The following DLGAP2 variants were observed in gnomAD, a reference collection of about 807,000 sequenced individuals.
DLGAP2 encodes DLG associated protein 2, also known as disks large-associated protein 2.
In DLGAP2, 26 loss-of-function variants were observed where a neutral mutation model predicts 100.3. That is an observed-to-expected ratio of 0.26 (90% CI 0.19 to 0.36). The LOEUF (loss-of-function observed/expected upper bound fraction) is 0.36, where lower values mean the gene tolerates loss of function less well. Among genes scored for constraint, DLGAP2 ranks in the 10% least tolerant of loss-of-function variants. DLGAP2 has a pLI of 1.00. For synonymous variants in DLGAP2, 886 were observed against 630.1 expected, an observed-to-expected ratio of 1.41 and a Z score of -6.08; for missense variants, 1,858 against 1,453.2, an observed-to-expected ratio of 1.28 and a Z score of -4.53.
At chr8:1,276,866 T>A (rs1261063616) in intron 3 of DLGAP2, among the ~76,000 whole-genome samples, 1 of 152,198 alleles carries the variant, frequency 6.6e-6, no homozygotes, top group East Asian at 1.9e-4. Flanking sequence ...ATTAATAAAA[T>A]TAAGTTTTCA....
intron 6 of DLGAP2, among the ~76,000 whole-genome samples, chr8:1,610,136 A>T (rs1796947792): frequency 2.6e-5 from 4 of 152,136 alleles, no homozygotes; most frequent in Admixed American, 2.6e-4. Context: ...ACATAGTTGG[A>T]AGTAAAGCTC....
chr8:1,641,199 C>G (rs1163581026), intron 8 of DLGAP2, among the ~76,000 whole-genome samples: 1 of 152,186 alleles, frequency 6.6e-6, no homozygotes, highest in African/African-American at 2.4e-5. Flanking sequence ...AGACGAATCA[C>G]GTGCCTCCCG....
chr8:1,176,878 A>G (rs1352600268), intron 2 of DLGAP2, among the ~76,000 whole-genome samples: 2 of 152,112 alleles, frequency 1.3e-5, no homozygotes, highest in South Asian at 4.2e-4. Flanking sequence ...AGAGCCAAGG[A>G]CTAGATATGT....
At chr8:1,301,987 A>G (rs185033960) in intron 3 of DLGAP2, 1 of 152,254 alleles carries the variant, frequency 6.6e-6, no homozygotes. Context: ...TTGGTAATTA[A>G]GTCAGGTGTC....
At chr8:1,362,086 A>G (rs1801994569) in intron 3 of DLGAP2, among the ~76,000 whole-genome samples, 1 of 124,978 alleles carries the variant, frequency 8.0e-6, no homozygotes, top group South Asian at 3.1e-4. Flanking sequence ...GGAGAGCGGT[A>G]CAGCTGGGAC....
At chr8:1,230,268 C>G (rs78878448) in intron 2 of DLGAP2, among the ~76,000 whole-genome samples, 3,916 of 152,204 alleles carry the variant, frequency 0.026, 70 homozygotes, top group African/African-American at 0.038. Flanking sequence ...TTCTTAATAG[C>G]TACAAAAAGA....
At chr8:1,201,280 T>C (rs1797866744) in intron 2 of DLGAP2, among the ~76,000 whole-genome samples, 1 of 152,042 alleles carries the variant, frequency 6.6e-6, no homozygotes, top group Non-Finnish European at 1.5e-5. Flanking sequence ...AGAGCCGAAG[T>C]CCCCAGCATC....
At chr8:1,258,595 A>AT (rs1799278100) in intron 2 of DLGAP2, among the ~76,000 whole-genome samples, 1 of 143,758 alleles carries the variant, frequency 7.0e-6, no homozygotes, top group Non-Finnish European at 1.5e-5. Context: ...ACTTAGTAAA[A>AT]TTAAAAAAAA....
At chr8:1,432,107 C>G (rs532326066) in intron 3 of DLGAP2, among the ~76,000 whole-genome samples, 32 of 152,312 alleles carry the variant, frequency 2.1e-4, no homozygotes, top group African/African-American at 7.7e-4. Context: ...TGCCATCCAT[C>G]GGGGCTGAAC....
At chr8:1,291,579 T>G (rs1800061022) in intron 3 of DLGAP2, among the ~76,000 whole-genome samples, 1 of 152,190 alleles carries the variant, frequency 6.6e-6, no homozygotes, top group East Asian at 1.9e-4. Flanking sequence ...GGGGTGATTC[T>G]GGGGAAGCCC....
intron 3 of DLGAP2, among the ~76,000 whole-genome samples, chr8:1,380,659 G>A (rs1328455094): frequency 2.0e-5 from 3 of 152,124 alleles, no homozygotes; most frequent in South Asian, 2.1e-4. Context: ...AAAGTTCGCC[G>A]AGGTGTCATG....
At chr8:1,605,769 G>C (rs1796777646) in intron 6 of DLGAP2, among the ~76,000 whole-genome samples, 1 of 152,172 alleles carries the variant, frequency 6.6e-6, no homozygotes, top group African/African-American at 2.4e-5. Context: ...CCCCACTCTG[G>C]AAGTAAACTG....
At chr8:739,054 C>G (rs1018604846) in intron 1 of DLGAP2, 2 of 155,572 alleles carry the variant, frequency 1.3e-5, no homozygotes, top group African/African-American at 4.8e-5. Flanking sequence ...ATTGGAAATT[C>G]GTGACTTGTC....
intron 3 of DLGAP2, among the ~76,000 whole-genome samples, chr8:1,329,380 T>C (rs1048026626): frequency 6.6e-6 from 1 of 152,198 alleles, no homozygotes; most frequent in African/African-American, 2.4e-5. Flanking sequence ...CATTTCAATG[T>C]TTTATTAATT....
intron 2 of DLGAP2, among the ~76,000 whole-genome samples, chr8:1,178,887 C>T (rs1035919298): frequency 5.3e-5 from 8 of 152,142 alleles, no homozygotes; most frequent in Admixed American, 2.6e-4. Context: ...CAGTTAGGAG[C>T]CCCCCTGCCC....
intron 3 of DLGAP2, among the ~76,000 whole-genome samples, chr8:1,391,845 A>G (rs1197608789): frequency 6.6e-6 from 1 of 152,262 alleles, no homozygotes; most frequent in Non-Finnish European, 1.5e-5. Context: ...GTGTTGCTGC[A>G]TCTCCAAGAC....
intron 5 of DLGAP2, among the ~76,000 whole-genome samples, chr8:1,554,055 A>T (rs1389013435): frequency 6.6e-6 from 1 of 152,212 alleles, no homozygotes; most frequent in Admixed American, 6.5e-5. Flanking sequence ...TGGGAGGCCA[A>T]CGCAGGTGGA....
chr8:1,319,746 T>C (rs927731700), intron 3 of DLGAP2, among the ~76,000 whole-genome samples: 1 of 151,926 alleles, frequency 6.6e-6, no homozygotes, highest in Non-Finnish European at 1.5e-5. Context: ...ATCAGCAGCT[T>C]TGGGGGACAG....
intron 2 of DLGAP2, among the ~76,000 whole-genome samples, chr8:930,411 C>T (rs1260623658): frequency 6.6e-6 from 1 of 152,206 alleles, no homozygotes; most frequent in Non-Finnish European, 1.5e-5. Flanking sequence ...TGCTGGGGTG[C>T]ACACCAGGGA....
Sources: allele counts gnomAD v4.1 joint callset (sites outside exome capture counted in the v4.1 genomes callset), GRCh38; gene constraint gnomAD v4.1.1; transcripts MANE v1.5; gene names NCBI Gene and HGNC (gene_info 2026-07-23, HGNC 2026-07-21).